Variants in HAUS7 observed in about 807,000 individuals in gnomAD.
The protein encoded by HAUS7 is HAUS augmin like complex subunit 7.
In HAUS7, 3 loss-of-function variants were observed where a neutral mutation model predicts 28.4. The ratio of observed to expected loss-of-function variants is 0.11; its 90% CI spans 0.05 to 0.27. The LOEUF (loss-of-function observed/expected upper bound fraction) is 0.27, where lower values mean the gene tolerates loss of function less well. Among genes scored for constraint, HAUS7 ranks in the 10% least tolerant of loss-of-function variants. HAUS7 has a pLI of 1.00. For synonymous variants in HAUS7, 165 were observed against 132.1 expected, an observed-to-expected ratio of 1.25 and a Z score of -1.71; for missense variants, 284 against 297.3, an observed-to-expected ratio of 0.96 and a Z score of 0.33.
At chrX:153,493,968 C>T (rs2089688549) in intron 1 of HAUS7, among the ~76,000 whole-genome samples, 3 of 112,508 alleles carry the variant, frequency 2.7e-5, no homozygotes, top group Non-Finnish European at 5.6e-5. Context: ...TTTTGGTCTT[C>T]CGCACTCTTG....
intron 1 of HAUS7, among the ~76,000 whole-genome samples, chrX:153,492,804 C>T (rs782565978): frequency 1.8e-5 from 2 of 111,431 alleles, no homozygotes; most frequent in Non-Finnish European, 3.8e-5. Context: ...CAGGTCACCT[C>T]CTCCAGGTAG....
At chrX:153,488,120 C>T (rs1017414370) in intron 1 of HAUS7, among the ~76,000 whole-genome samples, 2 of 113,041 alleles carry the variant, frequency 1.8e-5, no homozygotes, top group South Asian at 3.6e-4. Context: ...CCAGCAGAGA[C>T]ACAGCCCAGC....
intron 9 of HAUS7, among the ~76,000 whole-genome samples, chrX:153,449,329 C>T (rs931757143): frequency 8.9e-6 from 1 of 112,309 alleles, no homozygotes; most frequent in Non-Finnish European, 1.9e-5. Flanking sequence ...GGGGTGACAC[C>T]GAGCTGGGGA....
At chrX:153,467,548 G>A (rs2089468588) in intron 2 of HAUS7, among the ~76,000 whole-genome samples, 2 of 111,548 alleles carry the variant, frequency 1.8e-5, no homozygotes, top group Admixed American at 9.5e-5. Flanking sequence ...GCACCCCGCT[G>A]TTACCGTCCC....
intron 9 of HAUS7, among the ~76,000 whole-genome samples, chrX:153,451,510 A>G (rs1453882908): frequency 2.7e-5 from 3 of 111,966 alleles, no homozygotes; most frequent in Non-Finnish European, 5.6e-5. Context: ...CGAGGCCAAG[A>G]GCAGTGAGAA....
rs111918191 is a variant in HAUS7 at position 153,457,217 on chromosome X, G to A, written c.366C>T (p.Cys122=). The A allele has an allele frequency of 1.2e-3, 1,455 of 1,183,483 alleles. 16 individuals carry two copies. The African/African-American group carries it at 0.02, about 16-fold the overall frequency. The part of the protein sequence containing the change: ...DDQELLKGCA[C]AQKQLHFMDQ... ...CCATGAAGTGTAGCTGCTTCTGGGCGCAGGCACAGCCCTGGGCAAGGAAGA... is the reference window on the plus strand; with the variant it reads ...CCATGAAGTGTAGCTGCTTCTGGGCACAGGCACAGCCCTGGGCAAGGAAGA... The change falls in exon 5 of 10, where the codon TGC becomes TGT. Residue 122 remains cysteine (C), a synonymous_variant. Transcript: ENST00000370211.
chrX:153,486,381 T>A (rs1005225557), intron 1 of HAUS7, among the ~76,000 whole-genome samples: 18 of 112,633 alleles, frequency 1.6e-4, no homozygotes, highest in African/African-American at 4.8e-4. Flanking sequence ...AGTGGCCGGA[T>A]GCTGGCAGGG....
intron 2 of HAUS7, among the ~76,000 whole-genome samples, chrX:153,466,116 C>A (rs1184593373): frequency 8.9e-6 from 1 of 112,694 alleles, no homozygotes; most frequent in Non-Finnish European, 1.9e-5. Context: ...GCTGCCTCCA[C>A]AGCACCACCC....
At chrX:153,460,621 A>G (rs1402174891) in intron 4 of HAUS7, among the ~76,000 whole-genome samples, 1 of 111,028 alleles carries the variant, frequency 9.0e-6, no homozygotes, top group Admixed American at 9.5e-5. Context: ...GTTTTTCATG[A>G]CTGACATGGC....
chrX:153,467,358 C>T, intron 2 of HAUS7, among the ~76,000 whole-genome samples: 1 of 111,707 alleles, frequency 9.0e-6, no homozygotes, highest in Non-Finnish European at 1.9e-5. Context: ...GTCACCTTAC[C>T]AAAATGCCAA....
At chrX:153,462,268 G>A (rs916948873) in intron 4 of HAUS7, 48 of 688,891 alleles carry the variant, frequency 7.0e-5, no homozygotes, top group Admixed American at 5.3e-4. Flanking sequence ...GGGCTTGGGA[G>A]CCAGGCGCCG....
chrX:153,449,675 G>A (rs2089213299), intron 9 of HAUS7, among the ~76,000 whole-genome samples: 1 of 112,063 alleles, frequency 8.9e-6, no homozygotes, highest in East Asian at 2.8e-4. Context: ...CCAGCCCTTG[G>A]CCCCTGTACT....
chrX:153,490,842 C>T (rs1556989491), intron 1 of HAUS7, among the ~76,000 whole-genome samples: 1 of 112,445 alleles, frequency 8.9e-6, no homozygotes, highest in Non-Finnish European at 1.9e-5. Context: ...CTCTCCCTGC[C>T]CCCCAGTCTT....
chrX:153,470,405 C>T, intron 1 of HAUS7, 45 bp downstream of exon 1: 1 of 1,187,393 alleles, frequency 8.4e-7, no homozygotes, highest in Non-Finnish European at 1.1e-6. Context: ...GGGCGGGGCC[C>T]TCCCCGGTCC....
intron 9 of HAUS7, 54 bp from the exon 10 acceptor site, chrX:153,447,963 A>G: frequency 1.0e-6 from 1 of 987,336 alleles, no homozygotes; most frequent in Non-Finnish European, 1.4e-6. Context: ...AACTAGTTCC[A>G]CCATTGTGGA....
intron 1 of HAUS7, chrX:153,481,093 G>T (rs1055169162): frequency 1.5e-5 from 10 of 654,874 alleles, no homozygotes; most frequent in Non-Finnish European, 1.6e-5. Context: ...GGCCACCCAG[G>T]CACTGCCCCG....
chrX:153,466,964 T>G (rs1242930340), intron 2 of HAUS7, among the ~76,000 whole-genome samples: 4 of 112,039 alleles, frequency 3.6e-5, no homozygotes, highest in Non-Finnish European at 5.6e-5. Flanking sequence ...CCCAGACATT[T>G]TGGATATGGG....
rs192770977 is a variant in HAUS7 at position 153,461,953 on chromosome X, A to G, written c.354+657T>C. 369 of 427,442 alleles carry G rather than the reference A, an allele frequency of 8.6e-4. 1 individual carries two copies. In the African/African-American group the frequency reaches 8.7e-3, roughly 10 times the overall value. 35.2% of individuals were successfully genotyped at this position (427,442 alleles called of 1,213,427 possible). A position where few individuals can be genotyped will look rare whatever the true frequency, so the allele number is the denominator to read the frequency against. ...GTGTACATCTCACATGGATTCACTGACGTCTTATGTCTCCCTAAATCGTAG... is the reference window on the plus strand; with the variant it reads ...GTGTACATCTCACATGGATTCACTGGCGTCTTATGTCTCCCTAAATCGTAG... On this transcript the variant is annotated intron_variant, in intron 4 of 9. Transcript: ENST00000370211.
upstream of HAUS7, among the ~76,000 whole-genome samples, chrX:153,471,873 A>G (rs1393755360): frequency 8.9e-6 from 1 of 112,169 alleles, no homozygotes; most frequent in Non-Finnish European, 1.9e-5. Context: ...GTTGCTCTCT[A>G]CCCTTCCACG....
Sources: allele counts gnomAD v4.1 joint callset (sites outside exome capture counted in the v4.1 genomes callset), GRCh38; gene constraint gnomAD v4.1.1; transcripts MANE v1.5; gene names NCBI Gene and HGNC (gene_info 2026-07-23, HGNC 2026-07-21).